Variants in HDAC4 observed in about 807,000 individuals in gnomAD.
HDAC4 encodes the protein histone deacetylase A.
A neutral mutation model predicts 135.1 loss-of-function variants in HDAC4; 16 were observed. That is an observed-to-expected ratio of 0.12 (90% CI 0.08 to 0.18). The LOEUF is 0.18. Ranked by LOEUF, HDAC4 falls within the 10% of genes least tolerant of loss-of-function variation. The pLI, the probability that HDAC4 is intolerant of heterozygous loss-of-function variation, is 1.00. For synonymous variants in HDAC4, 685 were observed against 653.4 expected (o/e 1.05, Z -0.74); for missense variants, 1,143 against 1,511.8 (o/e 0.76, Z 4.05).
intron 2 of HDAC4, among the ~76,000 whole-genome samples, chr2:239,338,981 C>G (rs1386629076): frequency 1.3e-5 from 2 of 152,180 alleles, no homozygotes; most frequent in Admixed American, 6.5e-5. Context: ...TCCAAAGAAA[C>G]TGTGAAGGCA....
At position 239,190,094 on chromosome 2, in the gene HDAC4, C is replaced by A. The variant is rs6752438; in HGVS notation, c.95-17G>T. 11,182 of 1,594,702 alleles carry A rather than the reference C, an allele frequency of 7.0e-3. 621 individuals are homozygous for A. The African/African-American group carries it at 0.13, about 18-fold the overall frequency. On this transcript the variant is annotated splice_polypyrimidine_tract_variant and intron_variant, in intron 3 of 26. Coordinates refer to ENST00000543185, the MANE Select transcript of HDAC4 (RefSeq NM_001378414.1). ...CCACATCCACTGTGGGAAAAACAAG[C>A]AGGAGAGCCGGTCACTGCCGCCCTT...
intron 6 of HDAC4, among the ~76,000 whole-genome samples, chr2:239,160,696 C>T (rs375861998): frequency 2.6e-5 from 4 of 152,204 alleles, no homozygotes; most frequent in African/African-American, 7.2e-5. Context: ...TGCACGGTAG[C>T]GTGTGCAGGG....
intron 1 of HDAC4, among the ~76,000 whole-genome samples, chr2:239,373,730 T>C (rs1694796666): frequency 6.6e-6 from 1 of 152,192 alleles, no homozygotes. Flanking sequence ...TTGTCAAATG[T>C]TACACATATT....
chr2:239,082,410 C>G (rs1257645403), intron 20 of HDAC4, among the ~76,000 whole-genome samples, 189 bp from the exon 21 acceptor site: 1 of 152,210 alleles, frequency 6.6e-6, no homozygotes, highest in Non-Finnish European at 1.5e-5. Context: ...CTACGTGGTG[C>G]AGGGTCGCAG....
chr2:239,132,411 G>A (rs1044817087), intron 11 of HDAC4, among the ~76,000 whole-genome samples: 3 of 152,232 alleles, frequency 2.0e-5, no homozygotes, highest in African/African-American at 7.2e-5. Context: ...GGGAGGCTGT[G>A]CAGGAGAGAA....
At position 239,144,724 on chromosome 2, in the gene HDAC4, A is replaced by C. The variant is rs1553632810; in HGVS notation, c.734-10T>G. ...AGATTCGGTTCAGAAGCTGCACAAA[A>C]AGGAGATGTCATTACAGCCAGGCAG... On this transcript the variant is annotated splice_polypyrimidine_tract_variant and intron_variant, in intron 7 of 26. Transcript: ENST00000543185. 1 of 1,614,128 alleles carries C rather than the reference A, an allele frequency of 6.2e-7. No individual in the cohort carries two copies. Among genetic ancestry groups the C allele is most frequent in the East Asian group, 2.2e-5 (1 of 44,888 alleles).
intron 5 of HDAC4, among the ~76,000 whole-genome samples, chr2:239,175,854 G>T (rs955190834): frequency 6.6e-6 from 1 of 152,142 alleles, no homozygotes; most frequent in Non-Finnish European, 1.5e-5. Context: ...CAAACCAAAA[G>T]TCGGGCTGAA....
In HDAC4 at chr2:239,309,058, G is replaced by A. The variant is rs987827675; in HGVS notation, c.22+43620C>T. Reference sequence around the variant, plus strand: ...AATCCCTTACAAGTTTCTTAAAAAAGAGTTAATCGTACTGACTTGGTGCTT... The same window carrying A: ...AATCCCTTACAAGTTTCTTAAAAAAAAGTTAATCGTACTGACTTGGTGCTT... On this transcript the variant is annotated intron_variant, in intron 2 of 26. Coordinates refer to ENST00000543185, the MANE Select transcript of HDAC4 (RefSeq NM_001378414.1). The surrounding 1 kb of genome is among the most constrained non-coding windows in gnomAD (Gnocchi z 4.2). 1.2e-4 allele frequency: 18 copies of A among 152,134 alleles called. No individual in the cohort carries two copies. The highest frequency in any genetic ancestry group is 1.0e-3 in the Admixed American group (16 of 15,270). 9.4% of individuals were successfully genotyped at this position (152,134 alleles called of 1,614,324 possible).
intron 2 of HDAC4, among the ~76,000 whole-genome samples, chr2:239,241,241 C>T (rs757353577): frequency 2.6e-5 from 4 of 152,176 alleles, no homozygotes; most frequent in African/African-American, 7.2e-5. Flanking sequence ...GAAAGCCCCA[C>T]GCACAGGCTC....
At position 239,208,181 on chromosome 2, in the gene HDAC4, G is replaced by C. The variant is rs545135615; in HGVS notation, c.95-18104C>G. 9.3e-5 allele frequency among the ~76,000 whole-genome samples: 14 copies of C among 149,964 alleles called. No individual in the cohort carries two copies. In the South Asian group the frequency reaches 2.9e-3, roughly 31 times the overall value. On this transcript the variant is annotated intron_variant, in intron 3 of 26. Coordinates refer to ENST00000543185, the MANE Select transcript of HDAC4 (RefSeq NM_001378414.1). The stretch of plus-strand genomic sequence containing the variant: ...ACTAAAAATACAAAAAAAAAAAATA[G>C]CCGGGTGCGGTCGTGGGTGCCTGTA...
chr2:239,395,865 A>G (rs1696524428), intron 1 of HDAC4, among the ~76,000 whole-genome samples: 1 of 152,252 alleles, frequency 6.6e-6, no homozygotes, highest in South Asian at 2.1e-4. Flanking sequence ...AATAGATTTC[A>G]AAATGTAGAA....
At chr2:239,223,310 G>C (rs2047066611) in intron 3 of HDAC4, among the ~76,000 whole-genome samples, 1 of 152,196 alleles carries the variant, frequency 6.6e-6, no homozygotes. Flanking sequence ...GAAGGAGGTA[G>C]CCCCTCTCTC....
chr2:239,106,151 T>C (rs1230448193), intron 15 of HDAC4, among the ~76,000 whole-genome samples: 1 of 152,048 alleles, frequency 6.6e-6, no homozygotes, highest in Non-Finnish European at 1.5e-5. Flanking sequence ...CCTTCACCCA[T>C]GGTGCTGAGG....
At position 239,102,941 on chromosome 2, in the gene HDAC4, G is replaced by A. The variant is rs533317116; in HGVS notation, c.2113-45C>T. 8 of 1,612,516 alleles carry A rather than the reference G, an allele frequency of 5.0e-6. No individual in the cohort carries two copies. The South Asian group carries it at 7.7e-5, about 16-fold the overall frequency. ...GACACTCACACGTTCTGCAGAAGCT[G>A]CTGCTTCAGCTCCACAGACAGAAAC... On this transcript the variant is annotated intron_variant, in intron 15 of 26. Coordinates refer to ENST00000543185, the MANE Select transcript of HDAC4 (RefSeq NM_001378414.1).
At chr2:239,156,341 C>A (rs58825980) in intron 7 of HDAC4, among the ~76,000 whole-genome samples, 3 of 152,190 alleles carry the variant, frequency 2.0e-5, no homozygotes, top group South Asian at 4.1e-4. Context: ...GTGACCACTG[C>A]GGGGACGCCC....
Position 239,068,792 on chromosome 2 carries a change from C to T in HDAC4, c.2751-185G>A, listed in dbSNP as rs1379370860. 1.5e-6 allele frequency: 1 copy of T among 668,586 alleles called. No individual in the cohort carries two copies. Among genetic ancestry groups the T allele is most frequent in the Non-Finnish European group, 2.8e-6 (1 of 363,296 alleles). 41.4% of individuals were successfully genotyped at this position (668,586 alleles called of 1,614,324 possible). On this transcript the variant is annotated intron_variant, in intron 22 of 26. Transcript: ENST00000543185. The surrounding 1 kb of genome is among the most constrained non-coding windows in gnomAD (Gnocchi z 4.4). ...ACGCTTAATTAGAAGGGAATCAACC[C>T]ACGTGTGATCCAGGCTCATTTCACA...
At chr2:239,251,434 C>T (rs2048779153) in intron 2 of HDAC4, among the ~76,000 whole-genome samples, 1 of 152,022 alleles carries the variant, frequency 6.6e-6, no homozygotes, top group African/African-American at 2.4e-5. Flanking sequence ...TCCCTATCAA[C>T]AATACAAAAA....
chr2:239,165,113 C>G (rs1575257229), intron 5 of HDAC4, among the ~76,000 whole-genome samples: 1 of 152,104 alleles, frequency 6.6e-6, no homozygotes, highest in Non-Finnish European at 1.5e-5. Context: ...GTTCCAGCTA[C>G]TTGGGAGGCT....
intron 18 of HDAC4, among the ~76,000 whole-genome samples, chr2:239,087,920 C>T (rs529462505): frequency 5.7e-4 from 87 of 152,262 alleles, no homozygotes; most frequent in Non-Finnish European, 8.5e-4. Flanking sequence ...GCCCTTGGCT[C>T]AGGGGTCGGG....
Sources: allele counts gnomAD v4.1 joint callset (sites outside exome capture counted in the v4.1 genomes callset), GRCh38; gene constraint gnomAD v4.1.1; non-coding constraint Gnocchi (gnomAD v3.1); transcripts MANE v1.5; gene names NCBI Gene and HGNC (gene_info 2026-07-23, HGNC 2026-07-21).